The following ITGA6 variants were observed in gnomAD, a reference collection of about 807,000 sequenced individuals.
The protein encoded by ITGA6 is integrin alpha-6.
Under a neutral mutation model 133.6 loss-of-function variants are expected in ITGA6, and 63 were observed. The ratio of observed to expected loss-of-function variants is 0.47; its 90% confidence interval spans 0.38 to 0.58. The LOEUF (loss-of-function observed/expected upper bound fraction) is 0.58, where lower values mean the gene tolerates loss of function less well. Ranked by LOEUF, ITGA6 falls within the 20% of genes least tolerant of loss-of-function variation. The pLI, the probability that ITGA6 is intolerant of heterozygous loss-of-function variation, is 0.00. For synonymous variants in ITGA6, 434 were observed against 482.0 expected (o/e 0.90, Z 1.30); for missense variants, 1,068 against 1,309.4 (o/e 0.82, Z 2.85).
chr2:172,473,639 C>CAA (rs1274134582), intron 5 of ITGA6, among the ~76,000 whole-genome samples: 1 of 152,188 alleles, frequency 6.6e-6, no homozygotes, highest in Non-Finnish European at 1.5e-5. Flanking sequence ...AACATGCACT[C>CAA]AATTATGCTT....
intron 1 of ITGA6, among the ~76,000 whole-genome samples, chr2:172,435,747 C>A (rs935235413): frequency 1.3e-5 from 2 of 151,064 alleles, no homozygotes; most frequent in Admixed American, 1.3e-4. Flanking sequence ...CCCACCTCTG[C>A]CTCCCCAGTA....
At chr2:172,457,295 C>CA (rs71403305) in intron 1 of ITGA6, among the ~76,000 whole-genome samples, 19,149 of 78,988 alleles carry the variant, frequency 0.24, 2,078 homozygotes, top group Middle Eastern at 0.31. Context: ...ATTCTGTCTC[C>CA]AAAAAAAAAA....
At chr2:172,452,875 T>C (rs1182174434) in intron 1 of ITGA6, among the ~76,000 whole-genome samples, 1 of 152,256 alleles carries the variant, frequency 6.6e-6, no homozygotes, top group East Asian at 1.9e-4. Flanking sequence ...TGGAGTAAAC[T>C]GCTGTAAGGC....
rs1475249673 is a variant in ITGA6, at chr2:172,505,497, A to G, written c.*1429A>G. The G allele has an allele frequency of 6.6e-6, 1 of 152,446 alleles. No homozygotes were observed. The highest frequency in any genetic ancestry group is 1.5e-5 in the Non-Finnish European group (1 of 68,016). 9.4% of individuals were successfully genotyped at this position (152,446 alleles called of 1,614,324 possible). Reference sequence around the variant, plus strand: ...TGGGGCTAATTTAACAAGAACTTTAAATTGTGTTTTAATTGTAAAAATGGC... The same window carrying G: ...TGGGGCTAATTTAACAAGAACTTTAGATTGTGTTTTAATTGTAAAAATGGC... On this transcript the variant is annotated 3_prime_UTR_variant, in exon 26 of 26. Transcript: ENST00000684293.
Position 172,489,618 on chromosome 2 carries a change from C to T in ITGA6, c.2639C>T (p.Thr880Ile). 6.2e-7 allele frequency: 1 copy of T among 1,614,088 alleles called. No individual in the cohort carries two copies. The highest frequency in any genetic ancestry group is 8.5e-7 in the Non-Finnish European group (1 of 1,179,950). ...KVESKGLEKVTCEPQKEINSL... is the reference protein window; with the variant it reads ...KVESKGLEKVICEPQKEINSL... ...GAATCCAAAGGATTGGAAAAGGTAA[C>T]TTGTGAGCCACAAAAGGAGATAAAC... Residue 880 changes from threonine to isoleucine, a missense_variant, in exon 20 of 26, where the codon ACT becomes ATT. By Grantham distance (89) the Thr-to-Ile change is moderately conservative. Transcript: ENST00000684293.
intron 6 of ITGA6, 77 bp from the exon 7 acceptor site, chr2:172,474,852 T>C: frequency 2.5e-6 from 2 of 795,282 alleles, no homozygotes; most frequent in Admixed American, 1.7e-5. Context: ...TATGTCTTTG[T>C]ATCCTTAGTA....
At chr2:172,463,554 C>A (rs1685521893) in intron 1 of ITGA6, among the ~76,000 whole-genome samples, 1 of 152,154 alleles carries the variant, frequency 6.6e-6, no homozygotes, top group South Asian at 2.1e-4. Flanking sequence ...ACTTCCTAAG[C>A]AGCTTTGTAA....
chr2:172,457,598 G>A (rs7564416), intron 1 of ITGA6, among the ~76,000 whole-genome samples: 28,713 of 151,998 alleles, frequency 0.19, 3,382 homozygotes, highest in African/African-American at 0.33. Flanking sequence ...TTTCATCTGC[G>A]TTCATAAAGC....
In ITGA6 at chr2:172,437,174, G is replaced by C. The variant is rs546318758; in HGVS notation, c.182+9204G>C. Among the ~76,000 whole-genome samples the C allele has an allele frequency of 1.5e-3, 235 of 152,302 alleles. 4 individuals are homozygous for C. The highest frequency in any genetic ancestry group is 3.7e-3 in the South Asian group (18 of 4,824). Reference sequence around the variant, plus strand: ...CTGGCTTTTACTCATGAATGAGATGGGGAGCATTTGTAGGTTCTGAGAAGA... The same window carrying C: ...CTGGCTTTTACTCATGAATGAGATGCGGAGCATTTGTAGGTTCTGAGAAGA... On this transcript the variant is annotated intron_variant, in intron 1 of 25. Coordinates refer to ENST00000684293, the MANE Select transcript of ITGA6 (RefSeq NM_000210.4).
intron 24 of ITGA6, among the ~76,000 whole-genome samples, chr2:172,501,128 G>A (rs932872193): frequency 1.3e-5 from 2 of 152,188 alleles, no homozygotes; most frequent in African/African-American, 4.8e-5. Flanking sequence ...CTCATTTAGA[G>A]TGACCTAACC....
intron 23 of ITGA6, among the ~76,000 whole-genome samples, chr2:172,496,534 C>T (rs749500370): frequency 2.9e-4 from 44 of 152,086 alleles, no homozygotes; most frequent in Non-Finnish European, 5.1e-4. Flanking sequence ...AAAACACCAC[C>T]GCATAGAAGT....
chr2:172,488,487 A>G (rs2149076002), intron 19 of ITGA6, among the ~76,000 whole-genome samples: 1 of 152,288 alleles, frequency 6.6e-6, no homozygotes, highest in Non-Finnish European at 1.5e-5. Context: ...CCTCCTTTAT[A>G]AGGTCATCTT....
chr2:172,497,919 T>C, intron 23 of ITGA6, 56 bp from the exon 24 acceptor site: 2 of 1,602,798 alleles, frequency 1.2e-6, no homozygotes, highest in South Asian at 1.1e-5. Flanking sequence ...CATAAACTCC[T>C]GGTGTGAACT....
rs762185559 is a variant in ITGA6, at chr2:172,487,068, A to G, written c.1900A>G (p.Ser634Gly). The G allele has an allele frequency of 7.5e-5, 121 of 1,613,258 alleles. 4 individuals are homozygous for G. In the South Asian group the frequency reaches 1.3e-3, roughly 17 times the overall value. Reference protein sequence around the residue: ...EGCGDDNVCNSNLKLEYKFCT... With the variant: ...EGCGDDNVCNGNLKLEYKFCT... Reference sequence around the variant, plus strand: ...ATGTGGAGACGACAATGTATGTAACAGCAACCTTAAACTAGAATATAAATT... The same window carrying G: ...ATGTGGAGACGACAATGTATGTAACGGCAACCTTAAACTAGAATATAAATT... The change falls in exon 14 of 26, where the codon AGC (serine) becomes GGC (glycine). Residue 634 changes from serine to glycine, a missense_variant. Physicochemically the swap from Ser to Gly is moderately conservative, Grantham distance 56 (BLOSUM62 0). Coordinates refer to ENST00000684293, the MANE Select transcript of ITGA6 (RefSeq NM_000210.4).
intron 5 of ITGA6, among the ~76,000 whole-genome samples, chr2:172,473,247 G>A (rs1276579995): frequency 6.6e-6 from 1 of 152,154 alleles, no homozygotes; most frequent in Non-Finnish European, 1.5e-5. Context: ...TTTGATATGG[G>A]CACTTCTATT....
intron 6 of ITGA6, 102 bp downstream of exon 6, chr2:172,474,367 G>T: frequency 9.4e-7 from 1 of 1,061,088 alleles, no homozygotes; most frequent in Non-Finnish European, 1.4e-6. Flanking sequence ...TTGACGTAAA[G>T]AATATTTTTA....
intron 2 of ITGA6, 143 bp downstream of exon 2, chr2:172,465,806 C>CAAA: frequency 1.7e-6 from 2 of 1,169,956 alleles, no homozygotes; most frequent in Non-Finnish European, 2.5e-6. Context: ...TTTATTTGCC[C>CAAA]TGAAAATATT....
chr2:172,479,971 T>G lies in ITGA6; in HGVS notation c.1488-19T>G. The G allele has an allele frequency of 6.5e-7, 1 of 1,541,524 alleles. No homozygotes were observed. The highest frequency in any genetic ancestry group is 9.0e-7 in the Non-Finnish European group (1 of 1,113,796). On this transcript the variant is annotated intron_variant, in intron 10 of 25. Transcript: ENST00000684293. ...GCAATAATGGATCTTTTAAGAAATA[T>G]GTGTTTGATTTTATTCAGCCTCCAG...
At chr2:172,438,663 G>A (rs76837457) in intron 1 of ITGA6, among the ~76,000 whole-genome samples, 4 of 151,680 alleles carry the variant, frequency 2.6e-5, no homozygotes, top group South Asian at 2.1e-4. Flanking sequence ...CAGAGTGCCC[G>A]GCATATCCAA....
Sources: gnomAD v4.1 joint callset for allele counts (sites outside exome capture counted in the v4.1 genomes callset) on GRCh38, gnomAD v4.1.1 for gene constraint, MANE v1.5 for transcripts, NCBI Gene and HGNC (gene_info 2026-07-23, HGNC 2026-07-21) for gene names.